The following TRPV4 variants were observed in gnomAD, a reference collection of about 807,000 sequenced individuals.
The protein encoded by TRPV4 is OSM9-like transient receptor potential channel 4.
In TRPV4, 58 loss-of-function variants were observed where a neutral mutation model predicts 84.1. The ratio of observed to expected loss-of-function variants is 0.69; its 90% CI spans 0.56 to 0.86. TRPV4 has a LOEUF of 0.86. Among genes scored for constraint, TRPV4 ranks in the 40% least tolerant of loss-of-function variants. TRPV4 has a pLI of 0.00. For missense variants in TRPV4, 879 were observed against 1,181.1 expected (o/e 0.74, Z 3.75); for synonymous variants, 489 against 500.9 (o/e 0.98, Z 0.32).
At chr12:109,809,406 CATCCATCCATCCCTCACTG>C (rs1372168077) in intron 2 of TRPV4, among the ~76,000 whole-genome samples, 1 of 150,560 alleles carries the variant, frequency 6.6e-6, no homozygotes, top group African/African-American at 2.4e-5. Flanking sequence ...ATCACTCATC[CATCCATCCATCCCTCACTG>C]ATCCATCCAT....
rs867133837 is a variant in TRPV4, at chr12:109,814,298, T to C, written c.386+113A>G. The C allele has an allele frequency of 4.2e-6, 5 of 1,196,458 alleles. No homozygotes were observed. Among genetic ancestry groups the C allele is most frequent in the South Asian group, 2.6e-5 (2 of 76,546 alleles). The allele number at this position is 1,196,458 out of a possible 1,614,324, so 74.1% of individuals were successfully genotyped here. On this transcript the variant is annotated intron_variant, in intron 2 of 15. Coordinates refer to ENST00000261740, the MANE Select transcript of TRPV4 (RefSeq NM_021625.5). The surrounding 1 kb of genome is among the most constrained non-coding windows in gnomAD (Gnocchi z 5.4). ...ATGTATGGATGGTTGGATGGACAGA[T>C]GGATGGATGGATGAATCGACGGATG...
At chr12:109,828,133 C>G (rs752617411) in intron 1 of TRPV4, among the ~76,000 whole-genome samples, 2 of 152,192 alleles carry the variant, frequency 1.3e-5, no homozygotes, top group Non-Finnish European at 1.5e-5. Context: ...GAAGGATATT[C>G]CCGTTTGGTC....
intron 3 of TRPV4, among the ~76,000 whole-genome samples, chr12:109,807,938 G>A (rs1356705200): frequency 2.6e-5 from 4 of 152,168 alleles, no homozygotes; most frequent in African/African-American, 9.7e-5. Flanking sequence ...AGTATGCTAT[G>A]ATTATTCCCC....
intron 3 of TRPV4, among the ~76,000 whole-genome samples, chr12:109,805,455 C>G (rs895199852): frequency 7.2e-5 from 11 of 152,202 alleles, no homozygotes; most frequent in Non-Finnish European, 1.2e-4. Flanking sequence ...TTCCAGGAAC[C>G]AGCCACCAGG....
Position 109,815,644 on chromosome 12 carries a change from A to G in TRPV4, c.-31-817T>C, listed in dbSNP as rs1436059701. Among the ~76,000 whole-genome samples the G allele has an allele frequency of 6.6e-6, 1 of 152,158 alleles. No homozygotes were observed. The highest frequency in any genetic ancestry group is 1.5e-5 in the Non-Finnish European group (1 of 68,020). Reference sequence around the variant, plus strand: ...CCCTGGCCTGCACACACTCGCTCCCAGGATCCATGCTCCTCTCCTCAGAAG... The same window carrying G: ...CCCTGGCCTGCACACACTCGCTCCCGGGATCCATGCTCCTCTCCTCAGAAG... On this transcript the variant is annotated intron_variant, in intron 1 of 15. Transcript: ENST00000261740. This position sits in a 1 kb window ranked among gnomAD's most constrained non-coding sequence, Gnocchi z 4.1.
At position 109,808,353 on chromosome 12, in the gene TRPV4, C is replaced by T. The variant is rs756559560; in HGVS notation, c.502G>A (p.Gly168Arg). 10 of 1,614,080 alleles carry T rather than the reference C, an allele frequency of 6.2e-6. No homozygotes were observed. Among genetic ancestry groups the T allele is most frequent in the East Asian group, 4.5e-5 (2 of 44,890 alleles). Reference sequence around the variant, plus strand: ...TGGGTCAGCAAGAATGGGAGCAGCCCGTCCAGGTCAGCAGTGGAGCCCCGG... The same window carrying T: ...TGGGTCAGCAAGAATGGGAGCAGCCTGTCCAGGTCAGCAGTGGAGCCCCGG... ...VSRGSTADLD[G>R]LLPFLLTHKK... is the part of the protein sequence containing the mutation. Residue 168 changes from glycine to arginine, a missense_variant, in exon 3 of 16, where the codon GGG (glycine) becomes AGG (arginine). Physicochemically the swap from Gly to Arg is moderately radical, Grantham distance 125 (BLOSUM62 -2). Transcript: ENST00000261740.
chr12:109,815,748 A>C lies in TRPV4; in HGVS notation c.-31-921T>G, dbSNP rs955837639. Among the ~76,000 whole-genome samples, 6 of 152,244 alleles carry C rather than the reference A, an allele frequency of 3.9e-5. No individual in the cohort carries two copies. The highest frequency in any genetic ancestry group is 8.8e-5 in the Non-Finnish European group (6 of 68,046). On this transcript the variant is annotated intron_variant, in intron 1 of 15. Transcript: ENST00000261740. This position sits in a 1 kb window ranked among gnomAD's most constrained non-coding sequence, Gnocchi z 4.1. ...GGCAGGAAATGTATCTGTCTTGTCC[A>C]TCCCTGAGTCCTCACACAAATGAAA...
intron 1 of TRPV4, among the ~76,000 whole-genome samples, chr12:109,822,264 C>T (rs1483086022): frequency 4.6e-5 from 7 of 152,080 alleles, no homozygotes; most frequent in Non-Finnish European, 7.4e-5. Context: ...AGAGAAGGTG[C>T]TCAGGCTCCC....
intron 1 of TRPV4, among the ~76,000 whole-genome samples, chr12:109,819,364 G>A (rs1436921132): frequency 6.6e-6 from 1 of 152,194 alleles, no homozygotes; most frequent in East Asian, 1.9e-4. Context: ...GTGTGCATGT[G>A]TGTGTGCCCA....
chr12:109,808,092 A>C (rs1031154400), intron 3 of TRPV4, among the ~76,000 whole-genome samples: 36 of 152,216 alleles, frequency 2.4e-4, no homozygotes, highest in African/African-American at 7.7e-4. Flanking sequence ...TGAAAGAATG[A>C]ATAAATGGAG....
chr12:109,830,123 G>A (rs567230473), intron 1 of TRPV4, among the ~76,000 whole-genome samples: 4 of 152,264 alleles, frequency 2.6e-5, no homozygotes, highest in African/African-American at 9.6e-5. Context: ...GCCAACTCAG[G>A]TTCCTATCTC....
rs758026363 is a variant in TRPV4, at chr12:109,792,376, G to A, written c.1878C>T (p.Ile626=). Residue 626 remains isoleucine, a synonymous_variant, in exon 12 of 16, where the codon ATC becomes ATT. Coordinates refer to ENST00000261740, the MANE Select transcript of TRPV4 (RefSeq NM_021625.5). The part of the protein sequence containing the change: ...RFLLVYLLFM[I]GYASALVSLL... The stretch of plus-strand genomic sequence containing the variant: ...CCCAGAGCTCACCTGAAGCGTAGCC[G>A]ATCATGAAGAGCAAGTAGACGAGCA... 13 of 1,612,966 alleles carry A rather than the reference G, an allele frequency of 8.1e-6. No individual in the cohort carries two copies. Among genetic ancestry groups the A allele is most frequent in the South Asian group, 3.3e-5 (3 of 91,010 alleles).
intron 3 of TRPV4, 138 bp from the exon 4 acceptor site, chr12:109,803,281 C>T: frequency 1.8e-6 from 2 of 1,084,058 alleles, no homozygotes; most frequent in Non-Finnish European, 2.7e-6. Flanking sequence ...GTTTCCTCAT[C>T]TGTCCAGTGG....
At chr12:109,807,756 C>T (rs1213734092) in intron 3 of TRPV4, among the ~76,000 whole-genome samples, 2 of 152,118 alleles carry the variant, frequency 1.3e-5, no homozygotes, top group Non-Finnish European at 2.9e-5. Flanking sequence ...GCTGGGGCTT[C>T]AGCCTAGGAA....
intron 1 of TRPV4, among the ~76,000 whole-genome samples, chr12:109,824,514 G>C (rs938415515): frequency 6.6e-6 from 1 of 152,034 alleles, no homozygotes; most frequent in South Asian, 2.1e-4. Flanking sequence ...CCAGCACTTT[G>C]GGAGACCGAG....
intron 14 of TRPV4, among the ~76,000 whole-genome samples, chr12:109,785,950 C>T (rs1176498229): frequency 1.3e-5 from 2 of 152,072 alleles, no homozygotes; most frequent in Non-Finnish European, 2.9e-5. Flanking sequence ...GAGTTGGAGG[C>T]TGCAGTCAGC....
rs538072414 is a variant in TRPV4 at position 109,800,819 on chromosome 12, G to C, written c.713-61C>G. On this transcript the variant is annotated intron_variant, in intron 4 of 15. Coordinates refer to ENST00000261740, the MANE Select transcript of TRPV4 (RefSeq NM_021625.5). ...GAGCAGAGACCTAGCCAGGCTTGCTGGGGGTGGGGGTAGGGTGCAGGACGT... is the reference window on the plus strand; with the variant it reads ...GAGCAGAGACCTAGCCAGGCTTGCTCGGGGTGGGGGTAGGGTGCAGGACGT... 289 of 1,570,750 alleles carry C rather than the reference G, an allele frequency of 1.8e-4. No homozygotes were observed. The African/African-American group carries it at 3.0e-3, about 16-fold the overall frequency.
chr12:109,788,274 G>A, intron 13 of TRPV4, 126 bp downstream of exon 13: 1 of 930,740 alleles, frequency 1.1e-6, no homozygotes, highest in Non-Finnish European at 1.6e-6. Flanking sequence ...TACCGACAGA[G>A]AAGTGGAGGG....
rs777901220 is a variant in TRPV4, at chr12:109,793,971, C to A, written c.1543G>T (p.Val515Phe). Residue 515 changes from valine (V) to phenylalanine (F), a missense_variant, in exon 9 of 16, where the codon GTC (valine) becomes TTC (phenylalanine). By Grantham distance (50) the Val-to-Phe change is conservative. Coordinates refer to ENST00000261740, the MANE Select transcript of TRPV4 (RefSeq NM_021625.5). This position sits in a 1 kb window ranked among gnomAD's most constrained non-coding sequence, Gnocchi z 4.0. ...AGGACCCCAGTGAAGAGCGTAATGA[C>A]CTCGCCAGCCAGCCGCAGGTAGTCC... ...TVDYLRLAGE[V>F]ITLFTGVLFF... 63 of 1,610,298 alleles carry A rather than the reference C, an allele frequency of 3.9e-5. No individual in the cohort carries two copies. Among genetic ancestry groups the A allele is most frequent in the Non-Finnish European group, 5.3e-5 (62 of 1,179,124 alleles).
Sources: gnomAD v4.1 joint callset for allele counts (sites outside exome capture counted in the v4.1 genomes callset) on GRCh38, gnomAD v4.1.1 for gene constraint, Gnocchi (gnomAD v3.1) non-coding constraint, MANE v1.5 for transcripts, NCBI Gene and HGNC (gene_info 2026-07-23, HGNC 2026-07-21) for gene names.